Variants in COBLL1 observed in about 807,000 individuals in gnomAD.
The protein encoded by COBLL1 is cordon-bleu protein-like 1.
COBLL1 carries 50 observed loss-of-function variants against 94.8 expected under a neutral mutation model. The ratio of observed to expected loss-of-function variants is 0.53; its 90% CI spans 0.42 to 0.67. The LOEUF is 0.67. Ranked by LOEUF, COBLL1 falls within the 30% of genes least tolerant of loss-of-function variation. The pLI is 0.00. For missense variants in COBLL1, 1,362 were observed against 1,348.7 expected (o/e 1.01, Z -0.15); for synonymous variants, 448 against 473.8 (o/e 0.95, Z 0.71).
chr2:164,704,387 A>T (rs1684471604), intron 9 of COBLL1, 57 bp downstream of exon 9: 2 of 1,162,904 alleles, frequency 1.7e-6, no homozygotes, highest in African/African-American at 1.5e-5. Context: ...CTCATTTCTC[A>T]ATTATCATGG....
At chr2:164,776,146 C>G (rs1048501818) in intron 2 of COBLL1, among the ~76,000 whole-genome samples, 1 of 151,956 alleles carries the variant, frequency 6.6e-6, no homozygotes, top group African/African-American at 2.4e-5. Flanking sequence ...CTCCCTGCCT[C>G]TGCTCTCAGG....
intron 11 of COBLL1, 127 bp from the exon 12 acceptor site, chr2:164,695,963 T>A (rs1268505021): frequency 9.8e-6 from 7 of 713,592 alleles, no homozygotes; most frequent in Non-Finnish European, 1.6e-5. Context: ...ACTCACTGAC[T>A]ATATAAAGGT....
chr2:164,750,689 A>C lies in COBLL1; in HGVS notation c.42-6814T>G, dbSNP rs537411667. Among the ~76,000 whole-genome samples, 33 of 152,262 alleles carry C rather than the reference A, an allele frequency of 2.2e-4. 1 individual carries two copies. In the South Asian group the frequency reaches 6.2e-3, roughly 29 times the overall value. ...GACATAAATCAGATCACATCTCTCT[A>C]ATCCTTCACTGGCCTTCCAATGCAT... On this transcript the variant is annotated intron_variant, in intron 2 of 13. Transcript: ENST00000652658.
At chr2:164,787,332 A>G (rs1426731424) in intron 2 of COBLL1, among the ~76,000 whole-genome samples, 1 of 152,214 alleles carries the variant, frequency 6.6e-6, no homozygotes, top group African/African-American at 2.4e-5. Flanking sequence ...ATAATGTATC[A>G]AATACAAGTT....
Position 164,730,027 on chromosome 2 carries a change from G to A in COBLL1, c.319C>T (p.Gln107Ter), listed in dbSNP as rs1163061269. 6.2e-7 allele frequency: 1 copy of A among 1,613,976 alleles called. No individual in the cohort carries two copies. Among genetic ancestry groups the A allele is most frequent in the Non-Finnish European group, 8.5e-7 (1 of 1,179,932 alleles). Residue 107 changes from glutamine to a stop codon, truncating the protein, a stop_gained, in exon 4 of 14, where the codon CAG (glutamine) becomes TAG (stop). Coordinates refer to ENST00000652658, the MANE Select transcript of COBLL1 (RefSeq NM_001365672.2). LOFTEE classifies it high-confidence loss of function. ...TTTGGCTTAAATTTAATGTGGTTCT[G>A]TTCAGCTGACAACAGATCGATTGTG... ...SYTIDLLSAEQNHIKFKPNTP... is the reference protein window; with the variant it reads ...SYTIDLLSAE
chr2:164,675,556 T>G (rs946499100), downstream of COBLL1, among the ~76,000 whole-genome samples: 28 of 152,182 alleles, frequency 1.8e-4, no homozygotes, highest in African/African-American at 6.3e-4. Context: ...TCTCTGAGAT[T>G]TTTCTTAAAA....
At chr2:164,834,276 G>A (rs576604844) in intron 2 of COBLL1, among the ~76,000 whole-genome samples, 2 of 152,168 alleles carry the variant, frequency 1.3e-5, no homozygotes, top group Non-Finnish European at 2.9e-5. Context: ...AGGCACATTC[G>A]TTTCTAAATA....
intron 3 of COBLL1, among the ~76,000 whole-genome samples, chr2:164,736,961 C>A (rs940794973): frequency 6.6e-6 from 1 of 152,082 alleles, no homozygotes; most frequent in African/African-American, 2.4e-5. Context: ...TTCCAACTTT[C>A]TAAAACATCT....
At chr2:164,731,740 G>C (rs888383455) in intron 3 of COBLL1, among the ~76,000 whole-genome samples, 2 of 152,170 alleles carry the variant, frequency 1.3e-5, no homozygotes, top group African/African-American at 4.8e-5. Flanking sequence ...CCAATTTCTT[G>C]ACTAGAGATA....
intron 5 of COBLL1, 52 bp from the exon 6 acceptor site, chr2:164,722,574 T>C (rs1685509999): frequency 1.0e-6 from 1 of 974,468 alleles, no homozygotes. Context: ...GACTGTTCAC[T>C]TCCAAGATTT....
At chr2:164,687,316 G>A in intron 13 of COBLL1, 1 of 650,110 alleles carries the variant, frequency 1.5e-6, no homozygotes, top group East Asian at 2.7e-5. Flanking sequence ...TTGTCCACAG[G>A]GCCACAACTG....
At chr2:164,723,944 C>T (rs1685589457) in intron 5 of COBLL1, 1 of 152,308 alleles carries the variant, frequency 6.6e-6, no homozygotes, top group South Asian at 2.1e-4. Flanking sequence ...AGGCATGCAT[C>T]CCCATGCCTG....
Position 164,730,046 on chromosome 2 carries a change from G to T in COBLL1, c.300C>A (p.Ile100=). Residue 100 remains isoleucine (I), a synonymous_variant, in exon 4 of 14, where the codon ATC becomes ATA. Transcript: ENST00000652658. ...GGTTCTGTTCAGCTGACAACAGATC[G>T]ATTGTGTAACTTGATGGATTTAAGT... ...QYHLNPSSYT[I]DLLSAEQNHI... 6.2e-7 allele frequency: 1 copy of T among 1,613,920 alleles called. No individual in the cohort carries two copies. The highest frequency in any genetic ancestry group is 8.5e-7 in the Non-Finnish European group (1 of 1,179,868).
At chr2:164,808,637 G>A (rs910954035) in intron 2 of COBLL1, among the ~76,000 whole-genome samples, 1 of 152,122 alleles carries the variant, frequency 6.6e-6, no homozygotes, top group African/African-American at 2.4e-5. Context: ...TAGCTAGTCT[G>A]ACATTATTTC....
intron 2 of COBLL1, among the ~76,000 whole-genome samples, chr2:164,747,980 T>A (rs1451780562): frequency 6.6e-6 from 1 of 152,024 alleles, no homozygotes; most frequent in African/African-American, 2.4e-5. Flanking sequence ...ATCAAACAGA[T>A]GGCAACTTTG....
chr2:164,767,305 A>G (rs2105238517), intron 2 of COBLL1, among the ~76,000 whole-genome samples: 1 of 152,364 alleles, frequency 6.6e-6, no homozygotes, highest in East Asian at 1.9e-4. Flanking sequence ...TAGAAGAGAC[A>G]CTACCATTAT....
chr2:164,728,641 A>C (rs59974162), intron 4 of COBLL1, among the ~76,000 whole-genome samples: 1 of 152,012 alleles, frequency 6.6e-6, no homozygotes. Context: ...AGTCACTAAA[A>C]TTTTTGTTTC....
intron 2 of COBLL1, among the ~76,000 whole-genome samples, chr2:164,813,369 A>C (rs1684552886): frequency 6.6e-6 from 1 of 152,146 alleles, no homozygotes; most frequent in South Asian, 2.1e-4. Flanking sequence ...AAATGTATAA[A>C]GTCAAACTGG....
At chr2:164,664,837 A>G (rs1204546138) in intron 2 of COBLL1, among the ~76,000 whole-genome samples, 1 of 152,194 alleles carries the variant, frequency 6.6e-6, no homozygotes, top group African/African-American at 2.4e-5. Flanking sequence ...CTCCTGATAA[A>G]TTATTTAACC....
Sources: gnomAD v4.1 joint callset for allele counts (sites outside exome capture counted in the v4.1 genomes callset) on GRCh38, gnomAD v4.1.1 for gene constraint, MANE v1.5 for transcripts, NCBI Gene and HGNC (gene_info 2026-07-23, HGNC 2026-07-21) for gene names.